GSE1: variants seen among roughly 807,000 people sequenced by gnomAD.
The protein encoded by GSE1 is Gse1 coiled-coil protein, also known as genetic suppressor element 1.
A neutral mutation model predicts 112.6 loss-of-function variants in GSE1; 32 were observed. That is an observed-to-expected ratio of 0.28 (90% CI 0.21 to 0.38). The LOEUF is 0.38. Among genes scored for constraint, GSE1 ranks in the 10% least tolerant of loss-of-function variants. The pLI, the probability that GSE1 is intolerant of heterozygous loss-of-function variation, is 1.00. For missense variants in GSE1, 2,348 were observed against 1,699.2 expected (o/e 1.38, Z -6.71); for synonymous variants, 1,115 against 735.6 (o/e 1.52, Z -8.35).
Position 85,256,262 on chromosome 16 carries a change from G to A in GSE1, c.2283+84455G>A, listed in dbSNP as rs1907070115. 2.6e-5 allele frequency among the ~76,000 whole-genome samples: 4 copies of A among 152,234 alleles called. No individual in the cohort carries two copies. The East Asian group carries it at 7.7e-4, about 29-fold the overall frequency. ...GAAAACAACCCAACAAACATGTGAT[G>A]ATAATAATATAATAATAATAATGAC... On this transcript the variant is annotated intron_variant, in intron 1 of 2. Transcript: ENST00000637419.
In GSE1 at chr16:85,672,521, G is replaced by T. The variant is rs185952827; in HGVS notation, c.3636G>T (p.Leu1212=). The T allele has an allele frequency of 2.7e-4, 427 of 1,608,712 alleles. 3 individuals carry two copies. The Admixed American group carries it at 7.0e-3, about 26-fold the overall frequency. Residue 1212 remains leucine, a synonymous_variant, in exon 16 of 16, where the codon CTG becomes CTT. Coordinates refer to ENST00000253458, the MANE Select transcript of GSE1 (RefSeq NM_014615.5). ...CAATGCACTGGCCTAGGGGCTACCT[G>T]AAGGGATATCCCAGGTGACGGTTTC... The part of the protein sequence containing the change: ...LPAMHWPRGY[L]KGYPR
At chr16:85,498,396 C>T (rs1216831983) in intron 2 of GSE1, among the ~76,000 whole-genome samples, 1 of 152,174 alleles carries the variant, frequency 6.6e-6, no homozygotes, top group Non-Finnish European at 1.5e-5. Flanking sequence ...CATGTACACA[C>T]ATGCACATAC....
intron 1 of GSE1, among the ~76,000 whole-genome samples, chr16:85,222,820 G>C (rs2075416928): frequency 6.6e-6 from 1 of 152,142 alleles, no homozygotes; most frequent in Non-Finnish European, 1.5e-5. Context: ...CTGCTGACGG[G>C]CCTCCTCTGC....
At chr16:85,467,172 C>T (rs945361018) in intron 2 of GSE1, among the ~76,000 whole-genome samples, 1 of 152,172 alleles carries the variant, frequency 6.6e-6, no homozygotes, top group African/African-American at 2.4e-5. Context: ...TGTGGGCACC[C>T]GCGTCTTCAC....
chr16:85,196,786 G>T (rs764296315), intron 1 of GSE1, among the ~76,000 whole-genome samples: 5 of 151,942 alleles, frequency 3.3e-5, no homozygotes, highest in Non-Finnish European at 7.4e-5. Flanking sequence ...TAGACGGGGC[G>T]GGGGGGCCTG....
chr16:85,445,150 T>C (rs930674738), intron 2 of GSE1, among the ~76,000 whole-genome samples: 3 of 152,242 alleles, frequency 2.0e-5, no homozygotes, highest in African/African-American at 7.2e-5. Flanking sequence ...CTGAGCCACC[T>C]GAGACTGGGC....
chr16:85,498,537 A>T (rs2151908097), intron 2 of GSE1, among the ~76,000 whole-genome samples: 1 of 136,428 alleles, frequency 7.3e-6, no homozygotes, highest in South Asian at 2.6e-4. Flanking sequence ...GTACACAGAC[A>T]TCCATGCATA....
At chr16:85,504,276 G>C (rs2051464502) in intron 2 of GSE1, among the ~76,000 whole-genome samples, 1 of 152,242 alleles carries the variant, frequency 6.6e-6, no homozygotes, top group African/African-American at 2.4e-5. Flanking sequence ...TTGAAGGTTT[G>C]CAAAGCCTAT....
rs187924180 is a variant in GSE1, at chr16:85,210,528, G to T, written c.2283+38721G>T. Among the ~76,000 whole-genome samples, 9 of 152,278 alleles carry T rather than the reference G, an allele frequency of 5.9e-5. No individual in the cohort carries two copies. The East Asian group carries it at 1.7e-3, about 29-fold the overall frequency. ...TGCTTGAGCCAGGGAGGTCCAGGCT[G>T]CAGTAAGCTGTGATTGCACCACTGT... On this transcript the variant is annotated intron_variant, in intron 1 of 2. Coordinates refer to the GSE1 transcript ENST00000637419.
At chr16:85,429,584 G>T (rs1235766204) in intron 2 of GSE1, among the ~76,000 whole-genome samples, 1 of 152,176 alleles carries the variant, frequency 6.6e-6, no homozygotes, top group Non-Finnish European at 1.5e-5. Context: ...TCAAAGCCTG[G>T]TGTGATCTGT....
At chr16:85,280,422 G>T (rs1214554120) in intron 1 of GSE1, among the ~76,000 whole-genome samples, 1 of 152,166 alleles carries the variant, frequency 6.6e-6, no homozygotes, top group Non-Finnish European at 1.5e-5. Flanking sequence ...CTGAGGCAGA[G>T]TCTCTCTCTG....
At chr16:85,377,056 G>C (rs551482031) in intron 2 of GSE1, among the ~76,000 whole-genome samples, 31 of 152,242 alleles carry the variant, frequency 2.0e-4, no homozygotes, top group Admixed American at 3.3e-4. Context: ...TTTGGTTCTG[G>C]AATTCTGATC....
At chr16:85,468,932 G>A (rs1411936856) in intron 2 of GSE1, among the ~76,000 whole-genome samples, 5 of 152,168 alleles carry the variant, frequency 3.3e-5, no homozygotes, top group African/African-American at 9.7e-5. Context: ...AATTAATTAA[G>A]CCTCTTGAGC....
At chr16:85,647,753 A>C (rs1598562929) in intron 2 of GSE1, among the ~76,000 whole-genome samples, 1 of 152,028 alleles carries the variant, frequency 6.6e-6, no homozygotes, top group Non-Finnish European at 1.5e-5. Context: ...CGCCCGGCTA[A>C]TATTTGTATT....
At chr16:85,451,915 C>G (rs2049693522) in intron 2 of GSE1, among the ~76,000 whole-genome samples, 1 of 152,206 alleles carries the variant, frequency 6.6e-6, no homozygotes, top group South Asian at 2.1e-4. Context: ...CTCCTCATAA[C>G]AGGCCACCTG....
In GSE1 at chr16:85,383,059, G is replaced by A. The variant is rs546498212; in HGVS notation, c.2464+25416G>A. 1.8e-3 allele frequency among the ~76,000 whole-genome samples: 259 copies of A among 146,084 alleles called. 4 individuals are homozygous for A. The highest frequency in any genetic ancestry group is 7.2e-3 in the Middle Eastern group (2 of 278). The stretch of plus-strand genomic sequence containing the variant: ...ACACACACCGTGTACATGCATGTGC[G>A]CACACACACACATGTAATCACAGCC... On this transcript the variant is annotated intron_variant, in intron 2 of 2. Transcript: ENST00000637419.
chr16:85,457,944 T>A (rs556634026), intron 2 of GSE1, among the ~76,000 whole-genome samples: 1 of 152,324 alleles, frequency 6.6e-6, no homozygotes, highest in Admixed American at 6.5e-5. Context: ...GGTGTGTAAT[T>A]TTCATACCTT....
intron 1 of GSE1, among the ~76,000 whole-genome samples, chr16:85,218,226 C>G (rs1330940681): frequency 6.6e-6 from 1 of 152,084 alleles, no homozygotes; most frequent in Non-Finnish European, 1.5e-5. Flanking sequence ...CTGAAGCTCA[C>G]TGTGCTGAGG....
intron 2 of GSE1, among the ~76,000 whole-genome samples, chr16:85,510,376 C>G (rs905908089): frequency 6.6e-6 from 1 of 152,162 alleles, no homozygotes; most frequent in African/African-American, 2.4e-5. Flanking sequence ...CCCACCGCTT[C>G]CCCGCAGCCC....
Sources: gnomAD v4.1 joint callset for allele counts (sites outside exome capture counted in the v4.1 genomes callset) on GRCh38, gnomAD v4.1.1 for gene constraint, MANE v1.5 for transcripts, NCBI Gene and HGNC (gene_info 2026-07-23, HGNC 2026-07-21) for gene names.